CACNB2: variants seen among roughly 807,000 people sequenced by gnomAD.
The protein encoded by CACNB2 is calcium voltage-gated channel auxiliary subunit beta 2.
CACNB2 carries 42 observed loss-of-function variants against 73.3 expected under a neutral mutation model. The observed-to-expected ratio is 0.57, with a 90% CI of 0.45 to 0.74. The LOEUF (loss-of-function observed/expected upper bound fraction) is 0.74. Among genes scored for constraint, CACNB2 ranks in the 30% least tolerant of loss-of-function variants. The probability of loss-of-function intolerance (pLI) is 0.00; values close to 1 mark genes in which losing one functional copy is unlikely to be tolerated. For synonymous variants in CACNB2, 348 were observed against 310.3 expected (o/e 1.12, Z -1.28); for missense variants, 940 against 853.0 (o/e 1.10, Z -1.27).
intron 2 of CACNB2, among the ~76,000 whole-genome samples, chr10:18,203,523 A>G (rs1270940848): frequency 1.3e-5 from 2 of 151,644 alleles, no homozygotes; most frequent in African/African-American, 4.9e-5. Flanking sequence ...TTTCCACATT[A>G]CATCAATGAG....
intron 9 of CACNB2, among the ~76,000 whole-genome samples, chr10:18,520,887 CTCCTT>C (rs2051810620): frequency 6.6e-6 from 1 of 152,122 alleles, no homozygotes; most frequent in South Asian, 2.1e-4. Context: ...TTCTGTGTCT[CTCCTT>C]TCCCTCTGTT....
intron 2 of CACNB2, among the ~76,000 whole-genome samples, chr10:18,220,220 T>G (rs1351291347): frequency 0.012 from 573 of 46,580 alleles, 21 homozygotes; most frequent in African/African-American, 0.019. Flanking sequence ...TATATATATA[T>G]ATATATATAT....
intron 2 of CACNB2, among the ~76,000 whole-genome samples, chr10:18,328,625 T>C (rs2040677575): frequency 6.6e-6 from 1 of 152,208 alleles, no homozygotes; most frequent in Non-Finnish European, 1.5e-5. Context: ...CTGAAACTTC[T>C]ATAAAGTTTT....
intron 3 of CACNB2, among the ~76,000 whole-genome samples, chr10:18,482,848 A>G (rs2048856816): frequency 6.6e-6 from 1 of 152,074 alleles, no homozygotes; most frequent in African/African-American, 2.4e-5. Context: ...GAGTTACTAC[A>G]TGTTATTCTC....
rs573027471 is a variant in CACNB2 at position 18,267,277 on chromosome 10, A to G, written c.213+116302A>G. On this transcript the variant is annotated intron_variant, in intron 2 of 13. Transcript: ENST00000324631. ...TTTCAGAACTTTAAATTTGGCTTTAATTATAAACCTCACTACATAATGACA... is the reference window on the plus strand; with the variant it reads ...TTTCAGAACTTTAAATTTGGCTTTAGTTATAAACCTCACTACATAATGACA... Among the ~76,000 whole-genome samples, 4 of 152,280 alleles carry G rather than the reference A, an allele frequency of 2.6e-5. No individual in the cohort carries two copies. The South Asian group carries it at 8.3e-4, about 32-fold the overall frequency.
chr10:18,483,163 C>T (rs1209894246), intron 3 of CACNB2, among the ~76,000 whole-genome samples: 2 of 152,004 alleles, frequency 1.3e-5, no homozygotes, highest in Non-Finnish European at 2.9e-5. Context: ...ACTCTCTGCA[C>T]TAATCTAATC....
intron 2 of CACNB2, among the ~76,000 whole-genome samples, chr10:18,303,148 G>C (rs1176761423): frequency 6.6e-6 from 1 of 152,024 alleles, no homozygotes; most frequent in Non-Finnish European, 1.5e-5. Flanking sequence ...TCTTGTTTTT[G>C]CTTTTCTCTC....
At chr10:18,464,416 A>AT (rs143809056) in intron 3 of CACNB2, among the ~76,000 whole-genome samples, 17,927 of 121,258 alleles carry the variant, frequency 0.15, 2,515 homozygotes, top group Middle Eastern at 0.21. Context: ...TGTCTCAAAA[A>AT]TTAAAAAAAA....
At position 18,432,043 on chromosome 10, in the gene CACNB2, A is replaced by G. The variant is rs145726746; in HGVS notation, c.333+30000A>G. Among the ~76,000 whole-genome samples the G allele has an allele frequency of 4.2e-4, 64 of 152,348 alleles. 1 individual carries two copies. Among genetic ancestry groups the G allele is most frequent in the Admixed American group, 2.2e-3 (34 of 15,300 alleles). ...CTCCCAAAGAGCTGGGATTACAGGC[A>G]TGAGCCACCGCACCCGGCCCAAGAC... On this transcript the variant is annotated intron_variant, in intron 3 of 13. Transcript: ENST00000324631.
intron 2 of CACNB2, among the ~76,000 whole-genome samples, chr10:18,204,387 G>A (rs2035008847): frequency 6.6e-6 from 1 of 152,176 alleles, no homozygotes; most frequent in Admixed American, 6.5e-5. Context: ...TAGAATAGGT[G>A]GACCTAACAT....
chr10:18,454,755 A>G (rs1316211399), intron 3 of CACNB2, among the ~76,000 whole-genome samples: 4 of 152,228 alleles, frequency 2.6e-5, no homozygotes, highest in African/African-American at 7.2e-5. Flanking sequence ...AAAGTGTGAT[A>G]TCGATGGATA....
At chr10:18,518,498 C>A (rs1362417758) in intron 8 of CACNB2, 82 bp downstream of exon 8, 9 of 994,884 alleles carry the variant, frequency 9.0e-6, no homozygotes, top group Non-Finnish European at 1.4e-5. Flanking sequence ...GACCCTCTCT[C>A]TGAATTTTAC....
Position 18,512,984 on chromosome 10 carries a change from T to G in CACNB2, c.671-1252T>G, listed in dbSNP as rs528823827. On this transcript the variant is annotated intron_variant, in intron 6 of 13. Coordinates refer to ENST00000324631, the MANE Select transcript of CACNB2 (RefSeq NM_201596.3). ...CCGACGCCGGCTGCAGGTGTTGCAG[T>G]TTTCGCTGCATCTCATCGATCTGCT... 285 of 214,642 alleles carry G rather than the reference T, an allele frequency of 1.3e-3. 2 individuals are homozygous for G. The highest frequency in any genetic ancestry group is 2.3e-3 in the Non-Finnish European group (247 of 105,366). 13.3% of individuals were successfully genotyped at this position (214,642 alleles called of 1,614,324 possible).
intron 3 of CACNB2, among the ~76,000 whole-genome samples, chr10:18,452,974 C>T (rs2047085483): frequency 6.6e-6 from 1 of 152,206 alleles, no homozygotes; most frequent in African/African-American, 2.4e-5. Flanking sequence ...AATCTCATCT[C>T]CGCTGACATC....
At chr10:18,358,187 A>C (rs1322409595) in intron 2 of CACNB2, among the ~76,000 whole-genome samples, 1 of 152,304 alleles carries the variant, frequency 6.6e-6, no homozygotes, top group East Asian at 1.9e-4. Context: ...CCCAGGTTCA[A>C]GTGATTCTCC....
intron 2 of CACNB2, among the ~76,000 whole-genome samples, chr10:18,287,844 T>C (rs2038871249): frequency 6.6e-6 from 1 of 152,084 alleles, no homozygotes; most frequent in Non-Finnish European, 1.5e-5. Flanking sequence ...AGTGAGACCC[T>C]ATCTCAAAAA....
intron 2 of CACNB2, among the ~76,000 whole-genome samples, chr10:18,368,561 A>T (rs990537676): frequency 6.6e-6 from 1 of 152,224 alleles, no homozygotes; most frequent in Non-Finnish European, 1.5e-5. Context: ...AAAGGAAAAA[A>T]GTATTTTGAG....
intron 2 of CACNB2, among the ~76,000 whole-genome samples, chr10:18,289,284 GTTTTTTT>G (rs2038949824): frequency 4.7e-5 from 4 of 85,568 alleles, no homozygotes; most frequent in Non-Finnish European, 8.9e-5. Flanking sequence ...TTTTTTTCTT[GTTTTTTT>G]GTTTTGTTTT....
chr10:18,414,483 CTTT>C (rs11384501), intron 3 of CACNB2, among the ~76,000 whole-genome samples: 3 of 132,178 alleles, frequency 2.3e-5, no homozygotes, highest in Non-Finnish European at 3.1e-5. Flanking sequence ...TTACTACTAC[CTTT>C]TTTTTTTTTT....
Sources: allele counts gnomAD v4.1 joint callset (sites outside exome capture counted in the v4.1 genomes callset), GRCh38; gene constraint gnomAD v4.1.1; transcripts MANE v1.5; gene names NCBI Gene and HGNC (gene_info 2026-07-23, HGNC 2026-07-21).